Variants in MAGI1 observed in about 807,000 individuals in gnomAD.
The protein encoded by MAGI1 is membrane-associated guanylate kinase, WW and PDZ domain-containing protein 1.
In MAGI1, 58 loss-of-function variants were observed where a neutral mutation model predicts 139.9. The ratio of observed to expected loss-of-function variants is 0.41; its 90% CI spans 0.34 to 0.52. The LOEUF (loss-of-function observed/expected upper bound fraction) is 0.52. Ranked by LOEUF, MAGI1 falls within the 20% of genes least tolerant of loss-of-function variation. MAGI1 has a pLI of 0.12. For synonymous variants in MAGI1, 812 were observed against 737.9 expected (o/e 1.10, Z -1.63); for missense variants, 1,874 against 1,901.6 (o/e 0.99, Z 0.27).
chr3:65,645,322 T>C (rs188640590), intron 1 of MAGI1, among the ~76,000 whole-genome samples: 37 of 152,026 alleles, frequency 2.4e-4, no homozygotes, highest in Non-Finnish European at 4.6e-4. Flanking sequence ...CTACCTTACA[T>C]AGAAAAAATA....
Position 65,361,287 on chromosome 3 carries a change from C to T in MAGI1, c.3546G>A (p.Lys1182=), listed in dbSNP as rs1940829120. Residue 1182 remains lysine (K), a synonymous_variant, in exon 22 of 23, where the codon AAG becomes AAA. Transcript: ENST00000402939. Reference sequence around the variant, plus strand: ...TAATCAGTTCTATAGCTCGAGAATGCTTCATGTTTTTGGTGGTCTCACCAT... The same window carrying T: ...TAATCAGTTCTATAGCTCGAGAATGTTTCATGTTTTTGGTGGTCTCACCAT... ...EINGETTKNM[K]HSRAIELIKN... is the part of the protein sequence containing the mutation. 4 of 1,614,030 alleles carry T rather than the reference C, an allele frequency of 2.5e-6. No individual in the cohort carries two copies. In the African/African-American group the frequency reaches 5.3e-5, roughly 22 times the overall value.
intron 1 of MAGI1, among the ~76,000 whole-genome samples, chr3:65,830,681 G>A (rs985968006): frequency 3.3e-5 from 5 of 150,726 alleles, no homozygotes; most frequent in Non-Finnish European, 5.9e-5. Context: ...TATGCAATCT[G>A]TTAGACAGAT....
At chr3:65,737,898 G>A (rs779207106) in intron 1 of MAGI1, among the ~76,000 whole-genome samples, 1 of 151,804 alleles carries the variant, frequency 6.6e-6, no homozygotes, top group African/African-American at 2.4e-5. Flanking sequence ...ACACACACAC[G>A]CCATTAGCGC....
chr3:65,685,460 A>G (rs911316727), intron 1 of MAGI1, among the ~76,000 whole-genome samples: 2 of 152,190 alleles, frequency 1.3e-5, no homozygotes, highest in Non-Finnish European at 2.9e-5. Flanking sequence ...TATCGTTTTC[A>G]TATTCCAGTG....
chr3:65,671,422 C>T (rs1181501079), intron 1 of MAGI1, among the ~76,000 whole-genome samples: 2 of 152,122 alleles, frequency 1.3e-5, no homozygotes, highest in African/African-American at 2.4e-5. Flanking sequence ...CCATAGGAAC[C>T]AACTCACCCA....
intron 6 of MAGI1, among the ~76,000 whole-genome samples, chr3:65,449,494 G>A (rs957492392): frequency 6.6e-6 from 1 of 152,106 alleles, no homozygotes. Context: ...ACAATCAGGG[G>A]CCAGGCGTGG....
At chr3:65,614,564 T>C (rs2083277282) in intron 2 of MAGI1, among the ~76,000 whole-genome samples, 1 of 152,120 alleles carries the variant, frequency 6.6e-6, no homozygotes, top group African/African-American at 2.4e-5. Flanking sequence ...TTGGTTTTTT[T>C]AAAAAAAGGT....
At chr3:65,700,225 C>T (rs1022104389) in intron 1 of MAGI1, among the ~76,000 whole-genome samples, 2 of 152,154 alleles carry the variant, frequency 1.3e-5, no homozygotes, top group East Asian at 1.9e-4. Context: ...GGGCAGATCA[C>T]GAGGTCAGGA....
chr3:65,746,149 C>A (rs1001271383), intron 1 of MAGI1, among the ~76,000 whole-genome samples: 5 of 152,142 alleles, frequency 3.3e-5, no homozygotes, highest in Non-Finnish European at 1.5e-5. Context: ...GATTCTCCTT[C>A]CTCAGCCTCC....
At chr3:65,622,499 TTACTC>T (rs1468645118) in intron 1 of MAGI1, among the ~76,000 whole-genome samples, 2 of 152,174 alleles carry the variant, frequency 1.3e-5, no homozygotes, top group African/African-American at 4.8e-5. Context: ...TGGTAGGAAT[TTACTC>T]TACAGGTATA....
At chr3:65,726,567 C>T (rs184004337) in intron 1 of MAGI1, among the ~76,000 whole-genome samples, 20 of 152,236 alleles carry the variant, frequency 1.3e-4, no homozygotes, top group Admixed American at 1.3e-3. Context: ...CTAAATAATG[C>T]CACCCTCAGT....
At chr3:65,684,376 G>C (rs1411022113) in intron 1 of MAGI1, among the ~76,000 whole-genome samples, 1 of 152,100 alleles carries the variant, frequency 6.6e-6, no homozygotes, top group Admixed American at 6.5e-5. Flanking sequence ...CAACAGGTAA[G>C]TGGTTAAACT....
At chr3:65,494,447 A>T (rs1227720534) in intron 2 of MAGI1, among the ~76,000 whole-genome samples, 2 of 152,240 alleles carry the variant, frequency 1.3e-5, no homozygotes, top group Admixed American at 1.3e-4. Flanking sequence ...AGCAATGAGC[A>T]GAATGTGGTT....
Position 65,353,554 on chromosome 3 carries a change from A to G in MAGI1, c.*2824T>C, listed in dbSNP as rs2106663312. The G allele has an allele frequency of 6.6e-6, 1 of 152,332 alleles. No individual in the cohort carries two copies. The highest frequency in any genetic ancestry group is 2.4e-5 in the African/African-American group (1 of 41,582). 9.4% of individuals were successfully genotyped at this position (152,332 alleles called of 1,614,324 possible). The stretch of plus-strand genomic sequence containing the variant: ...TTGTGGAATGCATACATTTCCATGT[A>G]TTTTTACAGTAAAAATGCATTAAAA... On this transcript the variant is annotated 3_prime_UTR_variant, in exon 23 of 23. Transcript: ENST00000402939.
chr3:65,954,542 T>C (rs963441564), intron 1 of MAGI1: 1 of 152,562 alleles, frequency 6.6e-6, no homozygotes, highest in Non-Finnish European at 1.5e-5. Flanking sequence ...CCAGGTTTGT[T>C]GCTACAAATT....
intron 1 of MAGI1, among the ~76,000 whole-genome samples, chr3:65,996,725 A>T (rs528297394): frequency 3.4e-4 from 52 of 152,214 alleles, no homozygotes; most frequent in Non-Finnish European, 6.8e-4. Context: ...AAAGCAATAG[A>T]CACTCCAGCT....
At chr3:65,501,310 T>C (rs796325580) in intron 2 of MAGI1, among the ~76,000 whole-genome samples, 12 of 152,066 alleles carry the variant, frequency 7.9e-5, no homozygotes, top group African/African-American at 2.7e-4. Flanking sequence ...GAAACCCCAT[T>C]TCTACTAAAA....
At chr3:65,763,699 GCA>G (rs1448101558) in intron 1 of MAGI1, among the ~76,000 whole-genome samples, 4 of 151,750 alleles carry the variant, frequency 2.6e-5, no homozygotes, top group African/African-American at 9.7e-5. Flanking sequence ...TAACAAAATA[GCA>G]CAGTCTTCTA....
At chr3:65,518,071 G>A (rs2077985918) in intron 2 of MAGI1, among the ~76,000 whole-genome samples, 1 of 152,184 alleles carries the variant, frequency 6.6e-6, no homozygotes, top group Non-Finnish European at 1.5e-5. Flanking sequence ...ACCTGGAGTA[G>A]TATCTGGTCC....
Sources: allele counts gnomAD v4.1 joint callset (sites outside exome capture counted in the v4.1 genomes callset), GRCh38; gene constraint gnomAD v4.1.1; transcripts MANE v1.5; gene names NCBI Gene and HGNC (gene_info 2026-07-23, HGNC 2026-07-21).